Variants in BCL7C observed in about 807,000 individuals in gnomAD.
The protein encoded by BCL7C is BAF chromatin remodeling complex subunit BCL7C, also known as B-cell CLL/lymphoma 7 protein family member C.
BCL7C carries 8 observed loss-of-function variants against 26.2 expected under a neutral mutation model. That is an observed-to-expected ratio of 0.30 (90% confidence interval 0.18 to 0.55). The LOEUF (loss-of-function observed/expected upper bound fraction) is 0.55. BCL7C is among the 20% of genes least tolerant of loss of function. BCL7C has a pLI of 0.93. For missense variants in BCL7C, 262 were observed against 298.5 expected (o/e 0.88, Z 0.90); for synonymous variants, 90 against 116.5 (o/e 0.77, Z 1.47).
chr16:30,871,021 C>A (rs1345187194), intron 5 of BCL7C, among the ~76,000 whole-genome samples: 2 of 152,208 alleles, frequency 1.3e-5, no homozygotes, highest in African/African-American at 4.8e-5. Flanking sequence ...AGTGCTGACA[C>A]ATAGTAACTC....
intron 5 of BCL7C, chr16:30,876,132 C>T (rs559770086): frequency 6.6e-6 from 1 of 152,302 alleles, no homozygotes; most frequent in South Asian, 2.1e-4. Flanking sequence ...AGTTCTTGGG[C>T]TCTGCCCTTG....
At chr16:30,882,683 G>A (rs2055060698) in intron 5 of BCL7C, among the ~76,000 whole-genome samples, 1 of 152,160 alleles carries the variant, frequency 6.6e-6, no homozygotes, top group Admixed American at 6.6e-5. Flanking sequence ...AGGTAGTAAG[G>A]ACAGGAAGGT....
chr16:30,893,642 C>T lies in BCL7C; in HGVS notation c.92+211G>A, dbSNP rs2055295101. 6.6e-6 allele frequency among the ~76,000 whole-genome samples: 1 copy of T among 152,008 alleles called. No homozygotes were observed. ...AGGGGGCGGGGCACAAGAGGGGGCT[C>T]CCGCTCTGGGAGGACACGGCTGGGG... is the stretch of plus-strand genomic sequence containing the variant. On this transcript the variant is annotated intron_variant, in intron 1 of 5. Coordinates refer to ENST00000215115, the MANE Select transcript of BCL7C (RefSeq NM_004765.4). This position sits in a 1 kb window ranked among gnomAD's most constrained non-coding sequence, Gnocchi z 5.2.
chr16:30,867,890 ACT>A, intron 5 of BCL7C, among the ~76,000 whole-genome samples: 1 of 152,128 alleles, frequency 6.6e-6, no homozygotes, highest in South Asian at 2.1e-4. Flanking sequence ...AGTGTGACTG[ACT>A]CTGAAGATGG....
downstream of BCL7C, among the ~76,000 whole-genome samples, chr16:30,886,877 A>C (rs949469533): frequency 1.3e-5 from 2 of 152,138 alleles, no homozygotes; most frequent in South Asian, 4.1e-4. Context: ...GTTATTATGT[A>C]TGAAACGTGA....
intron 5 of BCL7C, among the ~76,000 whole-genome samples, chr16:30,866,627 C>T (rs2054832214): frequency 6.7e-6 from 1 of 149,698 alleles, no homozygotes; most frequent in African/African-American, 2.5e-5. Context: ...TTGATGAAAC[C>T]CACCAAAGTT....
intron 5 of BCL7C, among the ~76,000 whole-genome samples, chr16:30,839,172 C>T (rs1875639927): frequency 6.6e-6 from 1 of 152,206 alleles, no homozygotes; most frequent in Non-Finnish European, 1.5e-5. Context: ...AAGGGCACCT[C>T]TTTCCTAGTT....
intron 5 of BCL7C, among the ~76,000 whole-genome samples, chr16:30,870,994 G>C (rs1298128363): frequency 6.6e-6 from 1 of 152,214 alleles, no homozygotes; most frequent in Non-Finnish European, 1.5e-5. Context: ...CAGATAAATT[G>C]TAAATGTACC....
intron 5 of BCL7C, among the ~76,000 whole-genome samples, chr16:30,836,860 C>T (rs1028135025): frequency 6.6e-6 from 1 of 151,088 alleles, no homozygotes; most frequent in Non-Finnish European, 1.5e-5. Context: ...ATGGTGCTGT[C>T]TTGACTCACT....
chr16:30,887,426 A>G (rs999864361), downstream of BCL7C, among the ~76,000 whole-genome samples: 1 of 150,270 alleles, frequency 6.7e-6, no homozygotes, highest in Admixed American at 6.7e-5. Flanking sequence ...GCAGTGAGCC[A>G]TGATCGCACC....
At chr16:30,835,715 G>A (rs1179670814) in intron 5 of BCL7C, among the ~76,000 whole-genome samples, 2 of 150,984 alleles carry the variant, frequency 1.3e-5, no homozygotes, top group African/African-American at 2.4e-5. Flanking sequence ...GCATGGTGGC[G>A]GGCGCCTGTA....
At chr16:30,892,499 G>A (rs1163054294) in intron 4 of BCL7C, 87 bp downstream of exon 4, 1 of 1,383,200 alleles carries the variant, frequency 7.2e-7, no homozygotes, top group East Asian at 2.3e-5. Context: ...ACAAGACGGG[G>A]AGCAGGTATA....
chr16:30,855,551 C>G (rs2054713407), intron 5 of BCL7C, among the ~76,000 whole-genome samples: 1 of 152,074 alleles, frequency 6.6e-6, no homozygotes, highest in African/African-American at 2.4e-5. Context: ...CCCTGCCCTT[C>G]TCAAATTTTT....
chr16:30,835,449 T>A (rs140625673), intron 5 of BCL7C, among the ~76,000 whole-genome samples: 219 of 152,338 alleles, frequency 1.4e-3, no homozygotes, highest in African/African-American at 5.1e-3. Flanking sequence ...AAGACGGAGA[T>A]AACCTAAAGG....
chr16:30,842,569 GTTAT>G (rs1374414887), intron 5 of BCL7C, among the ~76,000 whole-genome samples: 4 of 152,116 alleles, frequency 2.6e-5, no homozygotes, highest in South Asian at 2.1e-4. Context: ...TGGATGAAAT[GTTAT>G]TTATTTATTT....
At chr16:30,872,759 CAG>C (rs2054892738) in intron 5 of BCL7C, among the ~76,000 whole-genome samples, 2 of 152,164 alleles carry the variant, frequency 1.3e-5, no homozygotes, top group African/African-American at 4.8e-5. Context: ...TTTTGGCAAT[CAG>C]ACAGACTTGG....
chr16:30,847,656 C>A (rs1596814692), intron 5 of BCL7C, among the ~76,000 whole-genome samples: 1 of 152,018 alleles, frequency 6.6e-6, no homozygotes, highest in African/African-American at 2.4e-5. Context: ...ATTAGCCGGG[C>A]ATGATGGTGC....
intron 4 of BCL7C, among the ~76,000 whole-genome samples, chr16:30,892,270 C>CAAAAAAAAAA (rs55772061): frequency 9.0e-5 from 4 of 44,496 alleles, no homozygotes; most frequent in African/African-American, 2.1e-4. Flanking sequence ...GACCCTTTCT[C>CAAAAAAAAAA]AAAAAAAAAA....
At chr16:30,849,003 C>T (rs925335971) in intron 5 of BCL7C, among the ~76,000 whole-genome samples, 12 of 151,714 alleles carry the variant, frequency 7.9e-5, no homozygotes, top group Admixed American at 5.3e-4. Context: ...CTGGCTAACA[C>T]GGTGAAACCC....
Sources: allele counts gnomAD v4.1 joint callset (sites outside exome capture counted in the v4.1 genomes callset), GRCh38; gene constraint gnomAD v4.1.1; non-coding constraint Gnocchi (gnomAD v3.1); transcripts MANE v1.5; gene names NCBI Gene and HGNC (gene_info 2026-07-23, HGNC 2026-07-21).